The following PCYOX1 variants were observed in gnomAD, a reference collection of about 807,000 sequenced individuals.
The protein encoded by PCYOX1 is prenylcysteine oxidase 1.
PCYOX1 carries 46 observed loss-of-function variants against 46.4 expected under a neutral mutation model. The observed-to-expected ratio is 0.99, with a 90% CI of 0.78 to 1.27. The LOEUF (loss-of-function observed/expected upper bound fraction) is 1.27, where lower values mean the gene tolerates loss of function less well. Among genes scored for constraint, PCYOX1 ranks in the 50% most tolerant of loss-of-function variants. The pLI, the probability that PCYOX1 is intolerant of heterozygous loss-of-function variation, is 0.00. For missense variants in PCYOX1, 658 were observed against 628.3 expected, an observed-to-expected ratio of 1.05 and a Z score of -0.51; for synonymous variants, 220 against 231.8, an observed-to-expected ratio of 0.95 and a Z score of 0.46.
chr2:70,262,477 AT>A (rs1425261526), intron 3 of PCYOX1, among the ~76,000 whole-genome samples: 297 of 115,054 alleles, frequency 2.6e-3, no homozygotes, highest in Non-Finnish European at 2.2e-3. Context: ...GCATGTGCTA[AT>A]TTTTTTTTTT....
Position 70,263,961 on chromosome 2 carries a change from C to CTT in PCYOX1, c.494+2594_494+2595dup, listed in dbSNP as rs768464001. 4.1e-3 allele frequency among the ~76,000 whole-genome samples: 460 copies of CTT among 112,280 alleles called. 10 individuals carry two copies. The highest frequency in any genetic ancestry group is 0.014 in the Middle Eastern group (2 of 140). 73.7% of individuals were successfully genotyped at this position (112,280 alleles called of 152,430 possible). The stretch of plus-strand genomic sequence containing the variant: ...GGCGTGAGCCACTGTGCCCGGCCCT[C>CTT]TTTTTTTTTTTTTTTTTTTTGATAC... On this transcript the variant is annotated intron_variant, in intron 3 of 5. Transcript: ENST00000433351.
At position 70,277,187 on chromosome 2, in the gene PCYOX1, A is replaced by G. The variant is rs759465610; in HGVS notation, c.1313A>G (p.His438Arg). 1.9e-6 allele frequency: 3 copies of G among 1,613,998 alleles called. No homozygotes were observed. The highest frequency in any genetic ancestry group is 1.7e-5 in the Admixed American group (1 of 60,018). ...AVKKPWLAYP[H>R]YKPPEKCPSI... ...AAGAAGCCATGGCTTGCATATCCTC[A>G]CTATAAGCCCCCGGAGAAATGCCCC... The change falls in exon 6 of 6, where the codon CAC becomes CGC. Residue 438 changes from histidine to arginine, a missense_variant. Physicochemically the swap from His to Arg is conservative, Grantham distance 29. Transcript: ENST00000433351.
intron 3 of PCYOX1, among the ~76,000 whole-genome samples, chr2:70,274,237 G>T (rs1696636908): frequency 7.8e-6 from 1 of 127,692 alleles, no homozygotes; most frequent in South Asian, 2.5e-4. Context: ...TCGCTCTGTT[G>T]CCCAGGCTGG....
At position 70,258,246 on chromosome 2, in the gene PCYOX1, G is replaced by T. The variant is rs560211986; in HGVS notation, c.82G>T (p.Ala28Ser). 64 of 1,593,678 alleles carry T rather than the reference G, an allele frequency of 4.0e-5. No homozygotes were observed. In the East Asian group the frequency reaches 1.4e-3, roughly 35 times the overall value. Reference sequence around the variant, plus strand: ...GTGCAGCTGCGGATGCCCCGAGGGCGCCGAGCTGCGTGCTCCGCCAGATAA... The same window carrying T: ...GTGCAGCTGCGGATGCCCCGAGGGCTCCGAGCTGCGTGCTCCGCCAGATAA... ...LLCSCGCPEG[A>S]ELRAPPDKIA... is the part of the protein sequence containing the mutation. Residue 28 changes from alanine (A) to serine (S), a missense_variant, in exon 1 of 6, where the codon GCC becomes TCC. Coordinates refer to ENST00000433351, the MANE Select transcript of PCYOX1 (RefSeq NM_016297.4).
chr2:70,277,118 A>T lies in PCYOX1; in HGVS notation c.1244A>T (p.Lys415Ile). 1 of 1,614,226 alleles carries T rather than the reference A, an allele frequency of 6.2e-7. No homozygotes were observed. Among genetic ancestry groups the T allele is most frequent in the Non-Finnish European group, 8.5e-7 (1 of 1,180,020 alleles). ...WKIFSQETLT[K>I]AQILKLFLSY... ...ATCTTTTCCCAAGAAACTCTTACTA[A>T]AGCACAAATTTTAAAGCTCTTTCTG... is the stretch of plus-strand genomic sequence containing the variant. Residue 415 changes from lysine to isoleucine, a missense_variant, in exon 6 of 6, where the codon AAA becomes ATA. By Grantham distance (102) the Lys-to-Ile change is moderately radical. Transcript: ENST00000433351.
At position 70,277,039 on chromosome 2, in the gene PCYOX1, G is replaced by C; in HGVS notation, c.1165G>C (p.Val389Leu). The change falls in exon 6 of 6, where the codon GTG (valine) becomes CTG (leucine). Residue 389 changes from valine to leucine, a missense_variant. Transcript: ENST00000433351. Reference sequence around the variant, plus strand: ...TAACAGTATTGGGATTGTGCCCTCTGTGAGAGAAAAGGAAGATCCTGAGCC... The same window carrying C: ...TAACAGTATTGGGATTGTGCCCTCTCTGAGAGAAAAGGAAGATCCTGAGCC... ...FINSIGIVPS[V>L]REKEDPEPST... 1 of 1,613,874 alleles carries C rather than the reference G, an allele frequency of 6.2e-7. No individual in the cohort carries two copies. Among genetic ancestry groups the C allele is most frequent in the Non-Finnish European group, 8.5e-7 (1 of 1,179,766 alleles).
At chr2:70,269,405 G>T (rs1696571081) in intron 3 of PCYOX1, among the ~76,000 whole-genome samples, 1 of 149,062 alleles carries the variant, frequency 6.7e-6, no homozygotes, top group Admixed American at 6.7e-5. Flanking sequence ...GCGCTATCTC[G>T]GCTCACTGCA....
At chr2:70,267,274 G>A (rs548496187) in intron 3 of PCYOX1, among the ~76,000 whole-genome samples, 183 of 151,902 alleles carry the variant, frequency 1.2e-3, no homozygotes, top group Middle Eastern at 6.8e-3. Context: ...ACGGGATGAC[G>A]GCCGGGAAGA....
intron 3 of PCYOX1, among the ~76,000 whole-genome samples, chr2:70,267,323 G>A (rs1459567317): frequency 2.0e-5 from 3 of 151,734 alleles, no homozygotes; most frequent in African/African-American, 7.3e-5. Flanking sequence ...CCGGGCAGAG[G>A]AGTTCCTCAC....
chr2:70,259,218 T>A, intron 1 of PCYOX1, 142 bp from the exon 2 acceptor site: 1 of 703,968 alleles, frequency 1.4e-6, no homozygotes, highest in Non-Finnish European at 2.5e-6. Flanking sequence ...AGACCTTCGC[T>A]GCAGGTGTCA....
In PCYOX1 at chr2:70,276,919, A is replaced by G. The variant is rs1353479100; in HGVS notation, c.1045A>G (p.Lys349Glu). Residue 349 changes from lysine to glutamate, a missense_variant, in exon 6 of 6, where the codon AAG (lysine) becomes GAG (glutamate). Physicochemically the swap from Lys to Glu is moderately conservative, Grantham distance 56 (BLOSUM62 1). Transcript: ENST00000433351. ...YYQHIVTTLV[K>E]GELNTSIFSS... Reference sequence around the variant, plus strand: ...TCAACATATAGTGACAACTTTAGTTAAGGGGGAATTGAATACATCTATCTT... The same window carrying G: ...TCAACATATAGTGACAACTTTAGTTGAGGGGGAATTGAATACATCTATCTT... 2 of 1,612,418 alleles carry G rather than the reference A, an allele frequency of 1.2e-6. No individual in the cohort carries two copies. The highest frequency in any genetic ancestry group is 8.5e-7 in the Non-Finnish European group (1 of 1,178,548).
At position 70,263,448 on chromosome 2, in the gene PCYOX1, T is replaced by A. The variant is rs1303489468; in HGVS notation, c.494+2062T>A. 2.0e-5 allele frequency among the ~76,000 whole-genome samples: 3 copies of A among 152,178 alleles called. No individual in the cohort carries two copies. The East Asian group carries it at 5.8e-4, about 29-fold the overall frequency. On this transcript the variant is annotated intron_variant, in intron 3 of 5. Transcript: ENST00000433351. ...CTGTTAGGTGCTAGGCATTGTTCTATGTTGAGAGTATAGGACCTACAACAT... is the reference window on the plus strand; with the variant it reads ...CTGTTAGGTGCTAGGCATTGTTCTAAGTTGAGAGTATAGGACCTACAACAT...
intron 3 of PCYOX1, among the ~76,000 whole-genome samples, chr2:70,272,916 C>CA (rs1559036935): frequency 6.6e-6 from 1 of 152,036 alleles, no homozygotes; most frequent in South Asian, 2.1e-4. Context: ...CAGGCGGTCT[C>CA]AAACTACTGA....
In PCYOX1 at chr2:70,277,093, A is replaced by C. The variant is rs1421196949; in HGVS notation, c.1219A>C (p.Ile407Leu). Reference protein sequence around the residue: ...PSTDGTYVWKIFSQETLTKAQ... With the variant: ...PSTDGTYVWKLFSQETLTKAQ... ...AACAGATGGAACATATGTTTGGAAGATCTTTTCCCAAGAAACTCTTACTAA... is the reference window on the plus strand; with the variant it reads ...AACAGATGGAACATATGTTTGGAAGCTCTTTTCCCAAGAAACTCTTACTAA... Residue 407 changes from isoleucine (I) to leucine (L), a missense_variant, in exon 6 of 6, where the codon ATC becomes CTC. Transcript: ENST00000433351. 1 of 1,614,014 alleles carries C rather than the reference A, an allele frequency of 6.2e-7. No homozygotes were observed. Among genetic ancestry groups the C allele is most frequent in the African/African-American group, 1.3e-5 (1 of 74,944 alleles).
At chr2:70,269,809 G>C (rs1696576612) in intron 3 of PCYOX1, among the ~76,000 whole-genome samples, 2 of 152,116 alleles carry the variant, frequency 1.3e-5, no homozygotes, top group Non-Finnish European at 2.9e-5. Flanking sequence ...ATAAAGACAA[G>C]CCTTCAGGAT....
At position 70,275,564 on chromosome 2, in the gene PCYOX1, G is replaced by T. The variant is rs1696658976; in HGVS notation, c.757G>T (p.Gly253Cys). The change falls in exon 5 of 6, where the codon GGC becomes TGC. Residue 253 changes from glycine to cysteine, a missense_variant. Physicochemically the swap from Gly to Cys is radical, Grantham distance 159. Transcript: ENST00000433351. ...TTCTGGCCTTTGGGCAGTAGAAGGT[G>T]GCAATAAACTTGTTTGCTCAGGGCT... is the stretch of plus-strand genomic sequence containing the variant. ...SDSGLWAVEG[G>C]NKLVCSGLLQ... 1 of 1,613,926 alleles carries T rather than the reference G, an allele frequency of 6.2e-7. No homozygotes were observed. Among genetic ancestry groups the T allele is most frequent in the African/African-American group, 1.3e-5 (1 of 74,896 alleles).
intron 3 of PCYOX1, among the ~76,000 whole-genome samples, chr2:70,269,971 A>AT (rs372711260): frequency 3.3e-5 from 5 of 150,022 alleles, no homozygotes; most frequent in Non-Finnish European, 5.9e-5. Flanking sequence ...TTTATTTTTT[A>AT]TTTTTTTTTC....
intron 5 of PCYOX1, 126 bp downstream of exon 5, chr2:70,275,792 T>G: frequency 4.3e-6 from 4 of 939,542 alleles, no homozygotes; most frequent in Non-Finnish European, 6.4e-6. Flanking sequence ...GTATATATTG[T>G]ACCATATAGA....
In PCYOX1 at chr2:70,276,916, G is replaced by C. The variant is rs745329841; in HGVS notation, c.1042G>C (p.Val348Leu). The C allele has an allele frequency of 5.0e-6, 8 of 1,612,818 alleles. No homozygotes were observed. The highest frequency in any genetic ancestry group is 5.9e-6 in the Non-Finnish European group (7 of 1,178,836). The change falls in exon 6 of 6, where the codon GTT becomes CTT. Residue 348 changes from valine (V) to leucine (L), a missense_variant. Val to Leu is a conservative substitution (Grantham distance 32). Coordinates refer to ENST00000433351, the MANE Select transcript of PCYOX1 (RefSeq NM_016297.4). ...TTATCAACATATAGTGACAACTTTA[G>C]TTAAGGGGGAATTGAATACATCTAT... ...QYYQHIVTTL[V>L]KGELNTSIFS... is the part of the protein sequence containing the mutation.
Sources: allele counts gnomAD v4.1 joint callset (sites outside exome capture counted in the v4.1 genomes callset), GRCh38; gene constraint gnomAD v4.1.1; transcripts MANE v1.5; gene names NCBI Gene and HGNC (gene_info 2026-07-23, HGNC 2026-07-21).